Variants in C3 observed in about 807,000 individuals in gnomAD.
C3 encodes the protein C3 and PZP-like alpha-2-macroglobulin domain-containing protein 1.
C3 carries 97 observed loss-of-function variants against 207.9 expected under a neutral mutation model. The ratio of observed to expected loss-of-function variants is 0.47; its 90% CI spans 0.40 to 0.55. C3 has a LOEUF of 0.55. Among genes scored for constraint, C3 ranks in the 20% least tolerant of loss-of-function variants. The pLI is 0.00. For synonymous variants in C3, 848 were observed against 857.6 expected (o/e 0.99, Z 0.20); for missense variants, 1,684 against 2,171.7 (o/e 0.78, Z 4.46).
chr19:6,700,504 T>G (rs1967635436), intron 19 of C3, among the ~76,000 whole-genome samples: 1 of 39,110 alleles, frequency 2.6e-5, no homozygotes, highest in Non-Finnish European at 3.7e-5. Context: ...ATATATTATA[T>G]ATGTAATATA....
At position 6,677,874 on chromosome 19, in the gene C3, G is replaced by A. The variant is rs1157659267; in HGVS notation, c.*8C>T. The A allele has an allele frequency of 5.0e-6, 8 of 1,613,954 alleles. No homozygotes were observed. The highest frequency in any genetic ancestry group is 6.8e-6 in the Non-Finnish European group (8 of 1,180,022). On this transcript the variant is annotated 3_prime_UTR_variant, in exon 41 of 41. Transcript: ENST00000245907. Reference sequence around the variant, plus strand: ...AGCTTTATCTGGAGTGGGGGAATGGGGGTGTGGTCAGTTGGGGCACCCAAA... The same window carrying A: ...AGCTTTATCTGGAGTGGGGGAATGGAGGTGTGGTCAGTTGGGGCACCCAAA...
In C3 at chr19:6,677,860, G is replaced by T. The variant is rs371899248; in HGVS notation, c.*22C>A. The T allele has an allele frequency of 6.2e-7, 1 of 1,613,734 alleles. No homozygotes were observed. Among genetic ancestry groups the T allele is most frequent in the Non-Finnish European group, 8.5e-7 (1 of 1,179,966 alleles). On this transcript the variant is annotated 3_prime_UTR_variant, in exon 41 of 41. Transcript: ENST00000245907. Reference sequence around the variant, plus strand: ...TGAGATATAACTGAAGCTTTATCTGGAGTGGGGGAATGGGGGTGTGGTCAG... The same window carrying T: ...TGAGATATAACTGAAGCTTTATCTGTAGTGGGGGAATGGGGGTGTGGTCAG...
intron 19 of C3, among the ~76,000 whole-genome samples, chr19:6,701,417 G>A (rs1426154003): frequency 2.0e-5 from 3 of 152,036 alleles, no homozygotes; most frequent in Non-Finnish European, 2.9e-5. Flanking sequence ...GCCCCTTCAC[G>A]AAAAATCATG....
rs770931186 is a variant in C3, at chr19:6,680,194, G to A, written c.4420C>T (p.Pro1474Ser). ...HQYFNVELIQ[P>S]GAVKVYAYYN... ...TAGGCGTAGACCTTGACTGCTCCAG[G>A]CTGGATAAGCTCTACATTAAAGTAT... The change falls in exon 36 of 41, where the codon CCT becomes TCT. Residue 1474 changes from proline (P) to serine (S), a missense_variant. Pro to Ser is a moderately conservative substitution (Grantham distance 74). This residue lies in a region of C3 where 346 missense variants were observed against 380.1 expected (regional missense o/e 0.91). Transcript: ENST00000245907. The A allele has an allele frequency of 6.2e-7, 1 of 1,613,218 alleles. No individual in the cohort carries two copies. Among genetic ancestry groups the A allele is most frequent in the Non-Finnish European group, 8.5e-7 (1 of 1,179,234 alleles).
At position 6,678,132 on chromosome 19, in the gene C3, C is replaced by T. The variant is rs1199976780; in HGVS notation, c.4850+20G>A. 1.2e-6 allele frequency: 2 copies of T among 1,614,108 alleles called. No individual in the cohort carries two copies. The highest frequency in any genetic ancestry group is 1.7e-6 in the Non-Finnish European group (2 of 1,180,024). The stretch of plus-strand genomic sequence containing the variant: ...CGGGGCAGTCGGGCGGTCGCGCGCA[C>T]GCGCAGGGAAAGCACTCACTTGGGC... On this transcript the variant is annotated intron_variant, in intron 40 of 40. Coordinates refer to ENST00000245907, the MANE Select transcript of C3 (RefSeq NM_000064.4).
chr19:6,711,701 C>T (rs1260436199), intron 11 of C3, among the ~76,000 whole-genome samples: 6 of 152,174 alleles, frequency 3.9e-5, no homozygotes, highest in Admixed American at 3.3e-4. Context: ...CTGGGAGCTG[C>T]AGAGGGACTG....
chr19:6,713,110 C>T, intron 9 of C3, 79 bp downstream of exon 9: 1 of 1,553,066 alleles, frequency 6.4e-7, no homozygotes, highest in Non-Finnish European at 8.9e-7. Context: ...TTAGACTAGG[C>T]TTTCTCTTCT....
Position 6,702,561 on chromosome 19 carries a change from A to G in C3, c.2264T>C (p.Ile755Thr). Residue 755 changes from isoleucine (I) to threonine (T), a missense_variant, in exon 18 of 41, where the codon ATC becomes ACC. Transcript: ENST00000245907. The stretch of plus-strand genomic sequence containing the variant: ...GGAAACGATGTTCTCTTCTGCAATG[A>G]TGTCCTCATCCAGGTTACCTGCAGG... ...GLARSNLDEDIIAEENIVSRS... is the reference protein window; with the variant it reads ...GLARSNLDEDTIAEENIVSRS... 6.2e-7 allele frequency: 1 copy of G among 1,613,370 alleles called. No individual in the cohort carries two copies. The highest frequency in any genetic ancestry group is 8.5e-7 in the Non-Finnish European group (1 of 1,179,292).
chr19:6,690,783 G>T, intron 26 of C3, 56 bp from the exon 27 acceptor site: 1 of 1,344,938 alleles, frequency 7.4e-7, no homozygotes, highest in Non-Finnish European at 1.1e-6. Flanking sequence ...ACACATGGCA[G>T]TCATCCCCCC....
chr19:6,714,333 C>T lies in C3; in HGVS notation c.599+19G>A, dbSNP rs1967987460. On this transcript the variant is annotated intron_variant, in intron 5 of 40. Transcript: ENST00000245907. ...GGGATAGGGGAGCCCTGAGCCCCCTCCTCAAGAACCTGACATACTTGACGA... is the reference window on the plus strand; with the variant it reads ...GGGATAGGGGAGCCCTGAGCCCCCTTCTCAAGAACCTGACATACTTGACGA... 6 of 1,612,112 alleles carry T rather than the reference C, an allele frequency of 3.7e-6. No homozygotes were observed. The highest frequency in any genetic ancestry group is 5.1e-6 in the Non-Finnish European group (6 of 1,178,482).
rs1249770215 is a variant in C3, at chr19:6,711,152, G to A, written c.1314C>T (p.Thr438=). 1.9e-6 allele frequency: 3 copies of A among 1,613,876 alleles called. No homozygotes were observed. In the African/African-American group the frequency reaches 4.0e-5, roughly 22 times the overall value. The change falls in exon 12 of 41, where the codon ACC becomes ACT. Residue 438 remains threonine (T), a synonymous_variant. Transcript: ENST00000245907. The part of the protein sequence containing the change: ...KQELSEAEQA[T]RTMQALPYST... The stretch of plus-strand genomic sequence containing the variant: ...TGTAGGGCAGAGCCTGCATGGTCCT[G>A]GTAGCCTGCTCTGCCTCCGAGAGCT...
At chr19:6,689,326 TACCTCCCTCCCTCCCTCCCTCCCTCC>T (rs1918097263) in intron 27 of C3, among the ~76,000 whole-genome samples, 1 of 62,482 alleles carries the variant, frequency 1.6e-5, no homozygotes, top group African/African-American at 8.5e-5. Flanking sequence ...TCTCTCTACC[TACCTCCCTCCCTCCCTCCCTCCCTCC>T]CTCCCTCCCT....
intron 17 of C3, among the ~76,000 whole-genome samples, chr19:6,704,300 A>G (rs1000875879): frequency 6.6e-6 from 1 of 152,152 alleles, no homozygotes. Context: ...ATAAATATAT[A>G]AATAAACAAA....
At position 6,692,255 on chromosome 19, in the gene C3, G is replaced by A. The variant is rs11569497; in HGVS notation, c.3390+669C>T. The stretch of plus-strand genomic sequence containing the variant: ...AGCGCTGGGATTACAGGCATGGGCC[G>A]TCGAGCCCAGCCACAGAATGCACAT... On this transcript the variant is annotated intron_variant, in intron 26 of 40. Transcript: ENST00000245907. Among the ~76,000 whole-genome samples, 1,300 of 152,290 alleles carry A rather than the reference G, an allele frequency of 8.5e-3. 14 individuals are homozygous for A. The highest frequency in any genetic ancestry group is 0.029 in the African/African-American group (1,186 of 41,572).
chr19:6,688,842 T>C (rs909822034), intron 27 of C3, among the ~76,000 whole-genome samples: 6 of 151,888 alleles, frequency 4.0e-5, no homozygotes, highest in African/African-American at 1.5e-4. Context: ...AACAGCCATG[T>C]CTGCCCCCTG....
chr19:6,693,230 C>T (rs1918211668), intron 25 of C3, 147 bp from the exon 26 acceptor site: 2 of 1,110,618 alleles, frequency 1.8e-6, no homozygotes, highest in Non-Finnish European at 2.7e-6. Context: ...CTGTTGTATG[C>T]GGTCCGTGCT....
Position 6,686,728 on chromosome 19 carries a change from C to T in C3, c.3646+18G>A. 6.2e-7 allele frequency: 1 copy of T among 1,612,682 alleles called. No individual in the cohort carries two copies. Among genetic ancestry groups the T allele is most frequent in the Non-Finnish European group, 8.5e-7 (1 of 1,179,878 alleles). Reference sequence around the variant, plus strand: ...TTCAGCCATGCATCTCCCTTCACCCCTCCAGGCCAACCCTCACCTTTGGCT... The same window carrying T: ...TTCAGCCATGCATCTCCCTTCACCCTTCCAGGCCAACCCTCACCTTTGGCT... On this transcript the variant is annotated intron_variant, in intron 28 of 40. Coordinates refer to ENST00000245907, the MANE Select transcript of C3 (RefSeq NM_000064.4).
chr19:6,720,646 G>A lies in C3; in HGVS notation c.-57C>T. On this transcript the variant is annotated 5_prime_UTR_variant, in exon 1 of 41. Transcript: ENST00000245907. Reference sequence around the variant, plus strand: ...GAGGGACAGAGGGAGAGGATGGGGAGGAGTGAGCAGCGCCTGCTGGAGCTG... The same window carrying A: ...GAGGGACAGAGGGAGAGGATGGGGAAGAGTGAGCAGCGCCTGCTGGAGCTG... The A allele has an allele frequency of 7.4e-7, 1 of 1,357,110 alleles. No homozygotes were observed. Among genetic ancestry groups the A allele is most frequent in the South Asian group, 1.3e-5 (1 of 79,148 alleles). 84.1% of individuals were successfully genotyped at this position (1,357,110 alleles called of 1,614,324 possible).
In C3 at chr19:6,694,419, C is replaced by T. The variant is rs749806622; in HGVS notation, c.3154+12G>A. Reference sequence around the variant, plus strand: ...GGGTCCCTGGGGTCTCCAAGAGGGGCAGGGAGCCCACCCTTCTTGATGAGC... The same window carrying T: ...GGGTCCCTGGGGTCTCCAAGAGGGGTAGGGAGCCCACCCTTCTTGATGAGC... On this transcript the variant is annotated intron_variant, in intron 24 of 40. Transcript: ENST00000245907. 1 of 1,612,962 alleles carries T rather than the reference C, an allele frequency of 6.2e-7. No homozygotes were observed. The highest frequency in any genetic ancestry group is 1.7e-5 in the Admixed American group (1 of 60,008).
Sources: allele counts gnomAD v4.1 joint callset (sites outside exome capture counted in the v4.1 genomes callset), GRCh38; gene constraint gnomAD v4.1.1; regional missense constraint gnomAD v4.1.1; transcripts MANE v1.5; gene names NCBI Gene and HGNC (gene_info 2026-07-23, HGNC 2026-07-21).